The following RALGAPA1 variants were observed in gnomAD, a reference collection of about 807,000 sequenced individuals.
RALGAPA1 encodes Ral GTPase activating protein catalytic subunit alpha 1, also known as ral GTPase-activating protein subunit alpha-1.
In RALGAPA1, 52 loss-of-function variants were observed where a neutral mutation model predicts 269.6. That is an observed-to-expected ratio of 0.19 (90% CI 0.15 to 0.24). RALGAPA1 has a LOEUF of 0.24. Among genes scored for constraint, RALGAPA1 ranks in the 10% least tolerant of loss-of-function variants. The probability of loss-of-function intolerance (pLI) is 1.00; values close to 1 mark genes in which losing one functional copy is unlikely to be tolerated. For missense variants in RALGAPA1, 1,917 were observed against 3,013.9 expected, an observed-to-expected ratio of 0.64 and a Z score of 8.52; for synonymous variants, 817 against 1,008.3, an observed-to-expected ratio of 0.81 and a Z score of 3.60.
At chr14:35,755,192 A>C (rs375479512) in intron 7 of RALGAPA1, among the ~76,000 whole-genome samples, 48 of 151,674 alleles carry the variant, frequency 3.2e-4, no homozygotes, top group African/African-American at 7.7e-4. Context: ...TCTCTAACAA[A>C]AAAAAAAAAA....
chr14:35,705,619 T>C (rs1378842301), intron 16 of RALGAPA1, among the ~76,000 whole-genome samples: 2 of 152,206 alleles, frequency 1.3e-5, no homozygotes, highest in African/African-American at 4.8e-5. Context: ...AAAGCTGCTA[T>C]AAATATTCAT....
chr14:35,768,951 T>G (rs1426281765), intron 4 of RALGAPA1, among the ~76,000 whole-genome samples: 1 of 127,718 alleles, frequency 7.8e-6, no homozygotes, highest in Non-Finnish European at 1.6e-5. Flanking sequence ...GAGGTTGTGG[T>G]GAGCCGAGAT....
At position 35,625,220 on chromosome 14, in the gene RALGAPA1, T is replaced by A. The variant is rs183928152; in HGVS notation, c.6929+141A>T. The A allele has an allele frequency of 1.1e-3, 541 of 510,474 alleles. 7 individuals are homozygous for A. The highest frequency in any genetic ancestry group is 0.01 in the African/African-American group (506 of 49,350). The allele number at this position is 510,474 out of a possible 1,614,324, so 31.6% of individuals were successfully genotyped here. A position where few individuals can be genotyped will look rare whatever the true frequency, so the allele number is the denominator to read the frequency against. On this transcript the variant is annotated intron_variant, in intron 35 of 41. Coordinates refer to ENST00000680220, the MANE Select transcript of RALGAPA1 (RefSeq NM_001346249.2). ...CCCAACATTCTATGCAGTCCTAAAT[T>A]TTCCTTAAAAAACTTTTGCTCAGAA...
chr14:35,602,783 C>T (rs890383117), intron 36 of RALGAPA1, among the ~76,000 whole-genome samples: 8 of 152,090 alleles, frequency 5.3e-5, no homozygotes, highest in African/African-American at 1.9e-4. Context: ...GTCTTTGTTG[C>T]TCATGATTTG....
intron 1 of RALGAPA1, among the ~76,000 whole-genome samples, chr14:35,789,956 A>G (rs1354873475): frequency 6.6e-6 from 1 of 152,060 alleles, no homozygotes; most frequent in Non-Finnish European, 1.5e-5. Context: ...AAATTTATAG[A>G]CAAGAAGTCA....
At chr14:35,650,197 C>G (rs564161742) in intron 31 of RALGAPA1, among the ~76,000 whole-genome samples, 4 of 151,646 alleles carry the variant, frequency 2.6e-5, no homozygotes, top group Non-Finnish European at 2.9e-5. Flanking sequence ...GATGATGAGA[C>G]CCCCCCGCCC....
At chr14:35,749,510 T>C (rs1250446786) in intron 9 of RALGAPA1, among the ~76,000 whole-genome samples, 1 of 152,206 alleles carries the variant, frequency 6.6e-6, no homozygotes, top group Non-Finnish European at 1.5e-5. Context: ...TTCTGTTAAG[T>C]TATTCAATTT....
At chr14:35,596,763 C>T (rs1047856332) in intron 36 of RALGAPA1, among the ~76,000 whole-genome samples, 2 of 152,064 alleles carry the variant, frequency 1.3e-5, no homozygotes, top group Non-Finnish European at 2.9e-5. Context: ...CACCAAAATT[C>T]TTCCTTTCAT....
chr14:35,634,436 A>T lies in RALGAPA1; in HGVS notation c.5995+138T>A, dbSNP rs531807944. 3 of 484,770 alleles carry T rather than the reference A, an allele frequency of 6.2e-6. No individual in the cohort carries two copies. In the South Asian group the frequency reaches 2.7e-4, roughly 44 times the overall value. 30.0% of individuals were successfully genotyped at this position (484,770 alleles called of 1,614,324 possible). A position where few individuals can be genotyped will look rare whatever the true frequency, so the allele number is the denominator to read the frequency against. On this transcript the variant is annotated intron_variant, in intron 33 of 41. Transcript: ENST00000680220. ...GAAGTTATTTCTTTAATTAATAATG[A>T]ACTTGTGCTATACATACATGGTTAA...
chr14:35,627,041 A>G (rs2061035654), intron 34 of RALGAPA1, 49 bp downstream of exon 34: 5 of 1,395,624 alleles, frequency 3.6e-6, no homozygotes, highest in South Asian at 3.4e-5. Context: ...CAGAAGATGA[A>G]TAAGACCGAA....
rs2061890421 is a variant in RALGAPA1, at chr14:35,639,754, A to T, written c.5677-4156T>A. 2.0e-5 allele frequency among the ~76,000 whole-genome samples: 3 copies of T among 152,220 alleles called. No individual in the cohort carries two copies. In the South Asian group the frequency reaches 6.2e-4, roughly 32 times the overall value. ...GGAGATTGAGACCATCCTGGCTAAG[A>T]CGGTGAAACCCCGTCTCTACTAAAA... On this transcript the variant is annotated intron_variant, in intron 31 of 41. Coordinates refer to ENST00000680220, the MANE Select transcript of RALGAPA1 (RefSeq NM_001346249.2).
At chr14:35,725,211 T>C (rs1397162337) in intron 13 of RALGAPA1, 58 bp from the exon 14 acceptor site, 13 of 1,310,704 alleles carry the variant, frequency 9.9e-6, no homozygotes, top group Non-Finnish European at 1.3e-5. Context: ...ATTTGGTTAA[T>C]AGTTAACTTT....
At chr14:35,680,545 T>C (rs1478358319) in intron 21 of RALGAPA1, among the ~76,000 whole-genome samples, 1 of 152,082 alleles carries the variant, frequency 6.6e-6, no homozygotes, top group Non-Finnish European at 1.5e-5. Flanking sequence ...ATATCAGCTA[T>C]CACAGAATCA....
chr14:35,666,665 T>G (rs1275390975), intron 26 of RALGAPA1, among the ~76,000 whole-genome samples: 4 of 152,022 alleles, frequency 2.6e-5, no homozygotes, highest in African/African-American at 9.7e-5. Flanking sequence ...AACCAGAAAA[T>G]GCAAAAAATG....
intron 37 of RALGAPA1, among the ~76,000 whole-genome samples, chr14:35,594,140 G>C (rs1159420780): frequency 6.6e-6 from 1 of 152,080 alleles, no homozygotes; most frequent in South Asian, 2.1e-4. Flanking sequence ...TTAAAATGGG[G>C]AAAAGACCAA....
At chr14:35,601,786 T>C (rs942715964) in intron 36 of RALGAPA1, among the ~76,000 whole-genome samples, 2 of 152,344 alleles carry the variant, frequency 1.3e-5, no homozygotes, top group African/African-American at 2.4e-5. Flanking sequence ...CTTATGCTTA[T>C]TGTACTCAGT....
At chr14:35,645,862 C>T (rs926746405) in intron 31 of RALGAPA1, among the ~76,000 whole-genome samples, 1 of 151,752 alleles carries the variant, frequency 6.6e-6, no homozygotes, top group Non-Finnish European at 1.5e-5. Flanking sequence ...AGGGCTGGGA[C>T]AGGGAAAGCA....
chr14:35,717,107 T>C (rs1368361185), intron 16 of RALGAPA1, among the ~76,000 whole-genome samples: 1 of 152,230 alleles, frequency 6.6e-6, no homozygotes, highest in East Asian at 1.9e-4. Context: ...CCTATAGATA[T>C]ACTTGCATAT....
intron 30 of RALGAPA1, among the ~76,000 whole-genome samples, chr14:35,653,420 T>G (rs1430850355): frequency 6.6e-6 from 1 of 152,132 alleles, no homozygotes; most frequent in Non-Finnish European, 1.5e-5. Context: ...AGCCAATCAC[T>G]GAAAGATGAG....
Sources: allele counts gnomAD v4.1 joint callset (sites outside exome capture counted in the v4.1 genomes callset), GRCh38; gene constraint gnomAD v4.1.1; transcripts MANE v1.5; gene names NCBI Gene and HGNC (gene_info 2026-07-23, HGNC 2026-07-21).